The following MX2 variants were observed in gnomAD, a reference collection of about 807,000 sequenced individuals.
MX2 encodes the protein MX dynamin like GTPase 2.
Under a neutral mutation model 74.0 loss-of-function variants are expected in MX2, and 51 were observed. That is an observed-to-expected ratio of 0.69 (90% CI 0.55 to 0.87). The LOEUF (loss-of-function observed/expected upper bound fraction) is 0.87, where lower values mean the gene tolerates loss of function less well. Among genes scored for constraint, MX2 ranks in the 40% least tolerant of loss-of-function variants. The pLI, the probability that MX2 is intolerant of heterozygous loss-of-function variation, is 0.00. For synonymous variants in MX2, 369 were observed against 339.3 expected (o/e 1.09, Z -0.96); for missense variants, 832 against 908.7 (o/e 0.92, Z 1.09).
chr21:41,406,275 AC>A (rs1433259379), intron 12 of MX2, among the ~76,000 whole-genome samples: 3 of 152,244 alleles, frequency 2.0e-5, no homozygotes, highest in African/African-American at 4.8e-5. Flanking sequence ...GGCATGAGCC[AC>A]CATGCCCAGC....
chr21:41,382,356 C>T (rs189460602), intron 4 of MX2, 54 bp from the exon 5 acceptor site: 8 of 1,577,346 alleles, frequency 5.1e-6, no homozygotes, highest in African/African-American at 1.3e-5. Context: ...GAACTGCTTC[C>T]TCACAGGGAT....
chr21:41,393,460 C>T (rs568949220), intron 6 of MX2, among the ~76,000 whole-genome samples: 58 of 152,190 alleles, frequency 3.8e-4, no homozygotes, highest in African/African-American at 1.3e-3. Context: ...CAGCAGTCAC[C>T]CCAGTTGCCC....
In MX2 at chr21:41,378,162, G is replaced by C. The variant is rs114627440; in HGVS notation, c.442+181G>C. On this transcript the variant is annotated intron_variant, in intron 3 of 13. Coordinates refer to ENST00000330714, the MANE Select transcript of MX2 (RefSeq NM_002463.2). The stretch of plus-strand genomic sequence containing the variant: ...CACTGGGAGAGACAGGCCGCTGGGA[G>C]ACAGGCCTCTGGGAGACAGGCTGCT... Among the ~76,000 whole-genome samples, 886 of 149,672 alleles carry C rather than the reference G, an allele frequency of 5.9e-3. 4 individuals carry two copies. The highest frequency in any genetic ancestry group is 0.02 in the African/African-American group (813 of 40,328).
chr21:41,385,171 A>G (rs1360037858), intron 5 of MX2, among the ~76,000 whole-genome samples: 1 of 152,220 alleles, frequency 6.6e-6, no homozygotes, highest in Non-Finnish European at 1.5e-5. Context: ...ACGGGTTGGC[A>G]CAAGCAGCTT....
chr21:41,399,164 C>T (rs759687425), intron 9 of MX2, 32 bp from the exon 10 acceptor site: 10 of 1,608,928 alleles, frequency 6.2e-6, no homozygotes, highest in Middle Eastern at 1.7e-4. Context: ...ATATGATTTC[C>T]GCAAAGACTA....
rs8130865 is a variant in MX2 at position 41,383,478 on chromosome 21, C to T, written c.732+914C>T. On this transcript the variant is annotated intron_variant, in intron 5 of 13. Coordinates refer to ENST00000330714, the MANE Select transcript of MX2 (RefSeq NM_002463.2). ...ACCCTGTTTGGGTTAGGCCAGTCCC[C>T]GGACCAGCCCTGTCATGCTTTGGCA... Among the ~76,000 whole-genome samples the T allele has an allele frequency of 7.5e-3, 1,138 of 152,366 alleles. 18 individuals carry two copies. The highest frequency in any genetic ancestry group is 0.026 in the African/African-American group (1,076 of 41,576).
At chr21:41,382,240 T>G (rs937306811) in intron 4 of MX2, among the ~76,000 whole-genome samples, 170 bp from the exon 5 acceptor site, 2 of 152,244 alleles carry the variant, frequency 1.3e-5, no homozygotes, top group African/African-American at 4.8e-5. Context: ...AACAGCCATC[T>G]TGGTGGCTTC....
intron 11 of MX2, 106 bp from the exon 12 acceptor site, chr21:41,403,161 G>C: frequency 1.0e-5 from 9 of 881,768 alleles, no homozygotes; most frequent in Non-Finnish European, 1.6e-5. Context: ...CCTGGAATGG[G>C]TCAGTGTATC....
In MX2 at chr21:41,388,827, TG is replaced by T. The variant is rs1246591112; in HGVS notation, c.733-1736del. Among the ~76,000 whole-genome samples, 1 of 152,212 alleles carries T rather than the reference TG, an allele frequency of 6.6e-6. No homozygotes were observed. Among genetic ancestry groups the T allele is most frequent in the Non-Finnish European group, 1.5e-5 (1 of 68,036 alleles). ...GAGCTTTTGTACCCCCAGGGGACAC[TG>T]GCAATGTCAGGACATCTTTTTGCTT... is the stretch of plus-strand genomic sequence containing the variant. On this transcript the variant is annotated intron_variant, in intron 5 of 13. Coordinates refer to ENST00000330714, the MANE Select transcript of MX2 (RefSeq NM_002463.2). The surrounding 1 kb of genome is among the most constrained non-coding windows in gnomAD (Gnocchi z 4.0).
intron 4 of MX2, among the ~76,000 whole-genome samples, chr21:41,381,684 C>CAAAAAAAAAAAAAAAAAAAAAA (rs57350601): frequency 1.5e-4 from 9 of 58,446 alleles, no homozygotes; most frequent in African/African-American, 5.1e-4. Flanking sequence ...GACTCTGTCT[C>CAAAAAAAAAAAAAAAAAAAAAA]AAAAAAAAAA....
chr21:41,377,878 G>A lies in MX2; in HGVS notation c.339G>A (p.Glu113=). The part of the protein sequence containing the change: ...LIDSLRALGV[E]QDLALPAIAV... ...ACTCCCTGCGGGCTCTGGGTGTGGA[G>A]CAGGACCTGGCCCTGCCAGCCATCG... The change falls in exon 3 of 14, where the codon GAG becomes GAA. Residue 113 remains glutamate (E), a synonymous_variant. Coordinates refer to ENST00000330714, the MANE Select transcript of MX2 (RefSeq NM_002463.2). 4 of 1,614,232 alleles carry A rather than the reference G, an allele frequency of 2.5e-6. No homozygotes were observed. In the South Asian group the frequency reaches 3.3e-5, roughly 13 times the overall value.
At chr21:41,381,651 C>T (rs544590975) in intron 4 of MX2, among the ~76,000 whole-genome samples, 78 of 142,584 alleles carry the variant, frequency 5.5e-4, no homozygotes, top group African/African-American at 2.1e-3. Context: ...TGCCACTGCA[C>T]TCCAGCCTGG....
chr21:41,407,691 C>T (rs2089905393), intron 13 of MX2, among the ~76,000 whole-genome samples: 1 of 152,132 alleles, frequency 6.6e-6, no homozygotes, highest in South Asian at 2.1e-4. Context: ...CCAGGGGAGT[C>T]CTGGGCTGGG....
chr21:41,365,287 T>C (rs1008437943), intron 1 of MX2: 1 of 152,210 alleles, frequency 6.6e-6, no homozygotes, highest in Admixed American at 6.5e-5. Context: ...CATGGGTAGA[T>C]TGTGTCATGG....
intron 12 of MX2, chr21:41,404,607 G>A (rs977529377): frequency 6.6e-6 from 1 of 152,180 alleles, no homozygotes; most frequent in Non-Finnish European, 1.5e-5. Context: ...AGGCAATGAG[G>A]CAATGAGGCA....
intron 12 of MX2, among the ~76,000 whole-genome samples, chr21:41,406,105 C>T (rs2089882572): frequency 6.6e-6 from 1 of 152,234 alleles, no homozygotes; most frequent in Admixed American, 6.5e-5. Flanking sequence ...TCTCCTGCCT[C>T]AGCCTCCCAA....
intron 11 of MX2, 90 bp from the exon 12 acceptor site, chr21:41,403,177 T>C: frequency 9.5e-7 from 1 of 1,056,682 alleles, no homozygotes; most frequent in Non-Finnish European, 1.4e-6. Context: ...GTATCATCAG[T>C]CATCCTCCCT....
intron 5 of MX2, among the ~76,000 whole-genome samples, chr21:41,389,280 C>G (rs1485838898): frequency 1.3e-5 from 2 of 151,868 alleles, no homozygotes; most frequent in East Asian, 3.9e-4. Context: ...TTTGGGAGGC[C>G]GAGGTGAGCA....
intron 2 of MX2, 115 bp from the exon 3 acceptor site, chr21:41,377,674 C>T: frequency 8.8e-7 from 1 of 1,133,654 alleles, no homozygotes; most frequent in Non-Finnish European, 1.3e-6. Context: ...ACCTTCTCAC[C>T]TCCTGTCTGC....
Sources: allele counts gnomAD v4.1 joint callset (sites outside exome capture counted in the v4.1 genomes callset), GRCh38; gene constraint gnomAD v4.1.1; non-coding constraint Gnocchi (gnomAD v3.1); transcripts MANE v1.5; gene names NCBI Gene and HGNC (gene_info 2026-07-23, HGNC 2026-07-21).